Variants in SNX25 observed in about 807,000 individuals in gnomAD.
SNX25 encodes sorting nexin-25.
SNX25 carries 62 observed loss-of-function variants against 113.7 expected under a neutral mutation model. That is an observed-to-expected ratio of 0.55 (90% CI 0.44 to 0.67). SNX25 has a LOEUF of 0.67. SNX25 is among the 30% of genes least tolerant of loss of function. The pLI is 0.00. For missense variants in SNX25, 1,014 were observed against 1,161.0 expected (o/e 0.87, Z 1.84); for synonymous variants, 421 against 436.2 (o/e 0.97, Z 0.43).
intron 3 of SNX25, among the ~76,000 whole-genome samples, chr4:185,262,670 G>A (rs1747490160): frequency 6.6e-6 from 1 of 152,178 alleles, no homozygotes; most frequent in South Asian, 2.1e-4. Context: ...ACGTGATGAT[G>A]TCTACTTTTT....
intron 6 of SNX25, 66 bp downstream of exon 6, chr4:185,288,148 C>T (rs1751606332): frequency 1.6e-6 from 2 of 1,289,498 alleles, no homozygotes; most frequent in East Asian, 2.3e-5. Context: ...GGCCTTCTCC[C>T]ACCTGTCAGA....
chr4:185,345,849 A>ATGAAAC (rs1297197884), intron 12 of SNX25, among the ~76,000 whole-genome samples: 1 of 150,894 alleles, frequency 6.6e-6, no homozygotes, highest in South Asian at 2.1e-4. Flanking sequence ...CTTTGTTCCC[A>ATGAAAC]TTGTTTTCTT....
intron 6 of SNX25, among the ~76,000 whole-genome samples, chr4:185,293,837 T>A (rs960695148): frequency 3.3e-5 from 5 of 152,122 alleles, no homozygotes; most frequent in Admixed American, 3.3e-4. Context: ...ATTGCAGCAC[T>A]AACAGAGTTA....
chr4:185,362,188 G>A (rs1484784388), intron 17 of SNX25, 83 bp downstream of exon 17: 1 of 1,437,270 alleles, frequency 7.0e-7, no homozygotes, highest in East Asian at 2.6e-5. Flanking sequence ...TTTATGTCTT[G>A]CAGGAAACAT....
At chr4:185,236,215 A>G (rs1225089599) in intron 1 of SNX25, among the ~76,000 whole-genome samples, 1 of 152,138 alleles carries the variant, frequency 6.6e-6, no homozygotes, top group East Asian at 1.9e-4. Context: ...CTGGCCTTCC[A>G]AGAAGGTTTG....
rs534515256 is a variant in SNX25 at position 185,248,662 on chromosome 4, G to A, written c.514+1284G>A. On this transcript the variant is annotated intron_variant, in intron 2 of 18. Coordinates refer to ENST00000652585, the MANE Select transcript of SNX25 (RefSeq NM_001378034.2). ...AATGAGACTCTGTCTCAAAAAAAAT[G>A]TACAGGATTTATTCTTAATTGCTTT... Among the ~76,000 whole-genome samples, 8 of 152,226 alleles carry A rather than the reference G, an allele frequency of 5.3e-5. No homozygotes were observed. The South Asian group carries it at 8.3e-4, about 16-fold the overall frequency.
At chr4:185,238,087 T>C (rs1374431304) in intron 1 of SNX25, among the ~76,000 whole-genome samples, 3 of 132,958 alleles carry the variant, frequency 2.3e-5, no homozygotes, top group African/African-American at 7.6e-5. Flanking sequence ...AAAAAAAAAT[T>C]TAGAGCACCT....
At chr4:185,239,259 A>T (rs1743151006) in intron 1 of SNX25, among the ~76,000 whole-genome samples, 1 of 92,930 alleles carries the variant, frequency 1.1e-5, no homozygotes, top group Non-Finnish European at 2.4e-5. Context: ...AGGCGGGCAG[A>T]TCACTTGAGG....
chr4:185,307,420 A>G (rs1754612158), intron 6 of SNX25, among the ~76,000 whole-genome samples: 1 of 152,172 alleles, frequency 6.6e-6, no homozygotes, highest in Non-Finnish European at 1.5e-5. Flanking sequence ...AGGGAGGAGC[A>G]TTCTGTTTCT....
intron 10 of SNX25, among the ~76,000 whole-genome samples, chr4:185,338,298 C>T (rs562099893): frequency 6.5e-5 from 9 of 139,196 alleles, no homozygotes; most frequent in South Asian, 2.3e-4. Context: ...TTTTTTGAGA[C>T]GGAGTCTCAC....
the SNX25 span, chr4:185,375,487 A>AAAAAAAATATATAT: frequency 2.5e-4 from 3 of 12,010 alleles, no homozygotes; most frequent in Admixed American, 1.7e-3. Flanking sequence ...AAAAAAAAAA[A>AAAAAAAATATATAT]ATATATATAT....
intron 3 of SNX25, 121 bp downstream of exon 3, chr4:185,259,185 T>A: frequency 1.2e-6 from 1 of 829,344 alleles, no homozygotes; most frequent in Non-Finnish European, 1.9e-6. Context: ...CTTGAAAATG[T>A]AGATTTATTA....
intron 1 of SNX25, among the ~76,000 whole-genome samples, chr4:185,225,324 C>T (rs1321740448): frequency 6.6e-6 from 1 of 152,154 alleles, no homozygotes; most frequent in African/African-American, 2.4e-5. Flanking sequence ...TGGGGTTTCA[C>T]CGTGTTAGCC....
intron 6 of SNX25, among the ~76,000 whole-genome samples, chr4:185,292,517 G>C (rs939864266): frequency 1.3e-5 from 2 of 152,120 alleles, no homozygotes; most frequent in African/African-American, 4.8e-5. Context: ...TCCTGCCTCA[G>C]CCTCCCAAGT....
intron 5 of SNX25, among the ~76,000 whole-genome samples, chr4:185,270,125 G>A (rs1748708467): frequency 6.6e-6 from 1 of 151,404 alleles, no homozygotes; most frequent in Non-Finnish European, 1.5e-5. Flanking sequence ...GCTGAGGAGG[G>A]CAGATTGCTT....
intron 7 of SNX25, among the ~76,000 whole-genome samples, chr4:185,311,875 G>A (rs920257731): frequency 6.6e-6 from 1 of 152,176 alleles, no homozygotes; most frequent in Non-Finnish European, 1.5e-5. Flanking sequence ...TACACAAGTG[G>A]TGCAAATGCA....
rs377433294 is a variant in SNX25, at chr4:185,351,451, C to T, written c.2308C>T (p.Leu770Phe). 2.5e-5 allele frequency: 40 copies of T among 1,613,394 alleles called. No homozygotes were observed. The highest frequency in any genetic ancestry group is 3.4e-5 in the Non-Finnish European group (40 of 1,179,840). Residue 770 changes from leucine to phenylalanine, a missense_variant, in exon 14 of 19, where the codon CTT becomes TTT. Coordinates refer to ENST00000652585, the MANE Select transcript of SNX25 (RefSeq NM_001378034.2). ...AATCCTCTTTCTTCCATAGAATCTG[C>T]TTTCAGATGAAAGACTGTGTCAGAG... ...NQLNKFLQNL[L>F]SDERLCQSEA...
intron 3 of SNX25, among the ~76,000 whole-genome samples, chr4:185,260,045 CTA>C (rs1416350739): frequency 6.6e-6 from 1 of 152,156 alleles, no homozygotes; most frequent in Non-Finnish European, 1.5e-5. Context: ...TTTTTAAAAA[CTA>C]TGGCCCGCTG....
chr4:185,345,410 T>C (rs2095280746), intron 12 of SNX25, among the ~76,000 whole-genome samples: 1 of 152,202 alleles, frequency 6.6e-6, no homozygotes, highest in African/African-American at 2.4e-5. Flanking sequence ...CAGTGTCTGG[T>C]AGAAGGGAGG....
Sources: allele counts gnomAD v4.1 joint callset (sites outside exome capture counted in the v4.1 genomes callset), GRCh38; gene constraint gnomAD v4.1.1; transcripts MANE v1.5; gene names NCBI Gene and HGNC (gene_info 2026-07-23, HGNC 2026-07-21).